FOXP1: variants seen among roughly 807,000 people sequenced by gnomAD.
FOXP1 encodes the protein forkhead box P1.
A neutral mutation model predicts 98.2 loss-of-function variants in FOXP1; 15 were observed. The observed-to-expected ratio is 0.15, with a 90% confidence interval of 0.10 to 0.24. The LOEUF (loss-of-function observed/expected upper bound fraction) is 0.24. FOXP1 is among the 10% of genes least tolerant of loss of function. The probability of loss-of-function intolerance (pLI) is 1.00; values close to 1 mark genes in which losing one functional copy is unlikely to be tolerated. For synonymous variants in FOXP1, 371 were observed against 314.5 expected (o/e 1.18, Z -1.90); for missense variants, 633 against 848.5 (o/e 0.75, Z 3.15).
chr3:71,175,134 G>A (rs1363899244), intron 6 of FOXP1, among the ~76,000 whole-genome samples: 1 of 152,058 alleles, frequency 6.6e-6, no homozygotes, highest in African/African-American at 2.4e-5. Flanking sequence ...GGCTGGTCTC[G>A]AACTCCTGAC....
intron 4 of FOXP1, among the ~76,000 whole-genome samples, chr3:71,306,631 CAAAAAAAAA>C (rs66479255): frequency 9.1e-4 from 39 of 42,838 alleles, no homozygotes; most frequent in Admixed American, 2.4e-3. Flanking sequence ...GAGAATAAGC[CAAAAAAAAA>C]AAAAAAAAAA....
intron 6 of FOXP1, among the ~76,000 whole-genome samples, chr3:71,184,352 T>C (rs562635646): frequency 1.4e-4 from 21 of 152,282 alleles, no homozygotes; most frequent in African/African-American, 5.1e-4. Context: ...TTCAGCCCTA[T>C]AAGGGGTTGT....
intron 6 of FOXP1, among the ~76,000 whole-genome samples, chr3:71,132,518 C>G (rs1396298764): frequency 1.3e-5 from 2 of 152,148 alleles, no homozygotes; most frequent in African/African-American, 4.8e-5. Flanking sequence ...GTTCTTAAAG[C>G]TGTTTGTTAA....
chr3:71,025,345 G>A (rs888521261), intron 11 of FOXP1, among the ~76,000 whole-genome samples: 25 of 152,206 alleles, frequency 1.6e-4, no homozygotes, highest in African/African-American at 4.8e-4. Flanking sequence ...GGTGGCGCAC[G>A]ACTATGCATG....
chr3:70,957,047 T>C lies in FOXP1; in HGVS notation c.*2200A>G, dbSNP rs928189485. ...TGGCATACAATCTAAAAATATCTCT[T>C]TTTCTAGAAATACTATTATGTAATC... On this transcript the variant is annotated 3_prime_UTR_variant, in exon 21 of 21. Transcript: ENST00000649528. 14 of 222,730 alleles carry C rather than the reference T, an allele frequency of 6.3e-5. No homozygotes were observed. The highest frequency in any genetic ancestry group is 1.3e-4 in the Non-Finnish European group (14 of 111,620). 13.8% of individuals were successfully genotyped at this position (222,730 alleles called of 1,614,324 possible). A position where few individuals can be genotyped will look rare whatever the true frequency, so the allele number is the denominator to read the frequency against.
At chr3:71,033,304 C>G (rs1489100032) in intron 11 of FOXP1, among the ~76,000 whole-genome samples, 1 of 152,144 alleles carries the variant, frequency 6.6e-6, no homozygotes, top group Non-Finnish European at 1.5e-5. Flanking sequence ...GGTGGGAAAT[C>G]TGGCACATTA....
intron 3 of FOXP1, among the ~76,000 whole-genome samples, chr3:71,448,622 AAGG>A (rs1179583285): frequency 6.6e-6 from 1 of 152,178 alleles, no homozygotes; most frequent in African/African-American, 2.4e-5. Context: ...TACCCGCAAA[AAGG>A]AGTTTTCCTT....
In FOXP1 at chr3:71,235,434, C is replaced by T. The variant is rs147162264; in HGVS notation, c.-11-37042G>A. Among the ~76,000 whole-genome samples the T allele has an allele frequency of 2.3e-4, 35 of 152,304 alleles. No homozygotes were observed. The Middle Eastern group carries it at 0.017, about 74-fold the overall frequency. On this transcript the variant is annotated intron_variant, in intron 5 of 20. Transcript: ENST00000649528. The stretch of plus-strand genomic sequence containing the variant: ...GGCAACCATTGAATCTTGACATCTT[C>T]GGTTGAAGCTATGACATTTCTTACC...
chr3:71,362,802 G>C (rs2078662784), intron 3 of FOXP1, among the ~76,000 whole-genome samples: 1 of 152,086 alleles, frequency 6.6e-6, no homozygotes, highest in South Asian at 2.1e-4. Context: ...GTATTTTCCA[G>C]GAAATGACCA....
At chr3:71,287,828 T>C (rs2072316368) in intron 5 of FOXP1, among the ~76,000 whole-genome samples, 1 of 152,172 alleles carries the variant, frequency 6.6e-6, no homozygotes, top group Non-Finnish European at 1.5e-5. Context: ...TTAGTTACAA[T>C]GTTGAACTGT....
In FOXP1 at chr3:71,064,869, G is replaced by A. The variant is rs1291860428; in HGVS notation, c.283-11096C>T. 5.1e-6 allele frequency: 5 copies of A among 970,876 alleles called. No individual in the cohort carries two copies. In the African/African-American group the frequency reaches 7.1e-5, roughly 14 times the overall value. 60.1% of individuals were successfully genotyped at this position (970,876 alleles called of 1,614,324 possible). A position where few individuals can be genotyped will look rare whatever the true frequency, so the allele number is the denominator to read the frequency against. On this transcript the variant is annotated intron_variant, in intron 7 of 20. Transcript: ENST00000649528. ...GCCAGGCGCGCGGAGCCGGGCTCGG[G>A]GCGCCCGCGCGGGCCGGGCGTGGGG... is the stretch of plus-strand genomic sequence containing the variant.
intron 3 of FOXP1, among the ~76,000 whole-genome samples, chr3:71,381,560 C>T (rs1304081723): frequency 6.6e-6 from 1 of 151,088 alleles, no homozygotes. Context: ...CCGCCTACCT[C>T]AGCCTCCCAA....
At chr3:71,103,039 C>A (rs567493378) in intron 7 of FOXP1, among the ~76,000 whole-genome samples, 16 of 152,262 alleles carry the variant, frequency 1.1e-4, no homozygotes, top group Admixed American at 9.8e-4. Context: ...TAACTATTAT[C>A]TTTCTGGGAC....
At chr3:71,502,481 G>A (rs769762111) in intron 2 of FOXP1, among the ~76,000 whole-genome samples, 1 of 152,166 alleles carries the variant, frequency 6.6e-6, no homozygotes, top group Non-Finnish European at 1.5e-5. Context: ...TAGCACACTT[G>A]TTTTTCACAC....
chr3:71,562,258 T>G (rs1052754646), intron 2 of FOXP1, among the ~76,000 whole-genome samples: 5 of 152,214 alleles, frequency 3.3e-5, no homozygotes, highest in African/African-American at 9.6e-5. Flanking sequence ...TGAGGGCTCC[T>G]TATGTTCTAG....
rs1560424550 is a variant in FOXP1 at position 71,396,973 on chromosome 3, T to TATATATATATACAC, written c.-167-37730_-167-37729insGTGTATATATATAT. Among the ~76,000 whole-genome samples the TATATATATATACAC allele has an allele frequency of 1.1e-4, 3 of 27,382 alleles. 1 individual carries two copies. The highest frequency in any genetic ancestry group is 2.8e-4 in the African/African-American group (2 of 7,226). 18.0% of individuals were successfully genotyped at this position (27,382 alleles called of 152,430 possible). ...GTGTATATATATATATGTGTGTATA[T>TATATATATATACAC]ATATATATGTGTATATATATACACA... On this transcript the variant is annotated intron_variant, in intron 3 of 20. Transcript: ENST00000649528.
intron 11 of FOXP1, among the ~76,000 whole-genome samples, chr3:71,040,884 C>A (rs753707699): frequency 3.3e-5 from 5 of 152,240 alleles, no homozygotes; most frequent in African/African-American, 4.8e-5. Context: ...AAAACATGGG[C>A]GCCCAGCCTT....
chr3:71,044,460 G>A (rs1230169854), intron 10 of FOXP1, among the ~76,000 whole-genome samples: 2 of 152,048 alleles, frequency 1.3e-5, no homozygotes, highest in East Asian at 3.9e-4. Flanking sequence ...ACAGAAAGAA[G>A]ACCCTACAAT....
chr3:71,047,184 A>G, intron 9 of FOXP1, 89 bp from the exon 10 acceptor site: 2 of 1,443,364 alleles, frequency 1.4e-6, no homozygotes, highest in Non-Finnish European at 1.9e-6. Context: ...ATCATCATCA[A>G]ATGCTGAGAA....
Sources: allele counts gnomAD v4.1 joint callset (sites outside exome capture counted in the v4.1 genomes callset), GRCh38; gene constraint gnomAD v4.1.1; transcripts MANE v1.5; gene names NCBI Gene and HGNC (gene_info 2026-07-23, HGNC 2026-07-21).